Variants in PRKN observed in about 807,000 individuals in gnomAD.
PRKN encodes parkin RBR E3 ubiquitin protein ligase.
In PRKN, 56 loss-of-function variants were observed where a neutral mutation model predicts 59.5. The observed-to-expected ratio is 0.94, with a 90% CI of 0.76 to 1.18. The LOEUF is 1.18. Among genes scored for constraint, PRKN ranks in the 50% most tolerant of loss-of-function variants. The probability of loss-of-function intolerance (pLI) is 0.00; values close to 1 mark genes in which losing one functional copy is unlikely to be tolerated. For synonymous variants in PRKN, 250 were observed against 222.1 expected (o/e 1.13, Z -1.12); for missense variants, 657 against 596.4 (o/e 1.10, Z -1.06).
chr6:161,909,552 T>C (rs717980), intron 6 of PRKN, among the ~76,000 whole-genome samples: 29 of 152,198 alleles, frequency 1.9e-4, no homozygotes, highest in Non-Finnish European at 3.5e-4. Context: ...TAATAGGGCC[T>C]GAGGAACTCA....
Position 162,239,265 on chromosome 6 carries a change from T to C in PRKN, c.412+23260A>G, listed in dbSNP as rs549027694. Reference sequence around the variant, plus strand: ...GAACACAGCTTGCAGGTTGGCCGACTCATCTCCCCAGATTTTATTTTCTAT... The same window carrying C: ...GAACACAGCTTGCAGGTTGGCCGACCCATCTCCCCAGATTTTATTTTCTAT... On this transcript the variant is annotated intron_variant, in intron 3 of 11. Transcript: ENST00000366898. Among the ~76,000 whole-genome samples the C allele has an allele frequency of 1.3e-3, 196 of 152,266 alleles. 1 individual carries two copies. Among genetic ancestry groups the C allele is most frequent in the African/African-American group, 4.3e-3 (180 of 41,552 alleles).
chr6:162,645,351 A>C (rs1281159422), intron 1 of PRKN, among the ~76,000 whole-genome samples: 1 of 152,190 alleles, frequency 6.6e-6, no homozygotes, highest in Non-Finnish European at 1.5e-5. Flanking sequence ...ATCTTCAAGG[A>C]CACCAGCTGA....
At chr6:162,579,481 C>T (rs548580218) in intron 1 of PRKN, among the ~76,000 whole-genome samples, 3 of 151,672 alleles carry the variant, frequency 2.0e-5, no homozygotes, top group Admixed American at 2.0e-4. Context: ...CATATCCAGA[C>T]TCACACAGAT....
intron 1 of PRKN, among the ~76,000 whole-genome samples, chr6:162,556,372 T>TGC (rs1443569566): frequency 2.5e-4 from 25 of 99,360 alleles, no homozygotes; most frequent in Middle Eastern, 5.3e-3. Context: ...TGTGTGTGTG[T>TGC]GTGTGTGTGT....
intron 4 of PRKN, among the ~76,000 whole-genome samples, chr6:162,121,169 C>G (rs148060265): frequency 0.013 from 1,906 of 152,258 alleles, 48 homozygotes; most frequent in African/African-American, 0.043. Flanking sequence ...ACTACATTTG[C>G]AGAAATGTTG....
chr6:161,402,754 G>C lies in PRKN; in HGVS notation c.1084-15877C>G, dbSNP rs1787105337. Among the ~76,000 whole-genome samples, 1 of 152,040 alleles carries C rather than the reference G, an allele frequency of 6.6e-6. No individual in the cohort carries two copies. Among genetic ancestry groups the C allele is most frequent in the African/African-American group, 2.4e-5 (1 of 41,378 alleles). Reference sequence around the variant, plus strand: ...TTGGGGATTCTTGTGAGGGGGAGGAGGTTAGAGGAGGGCAAGGAGAGGAAT... The same window carrying C: ...TTGGGGATTCTTGTGAGGGGGAGGACGTTAGAGGAGGGCAAGGAGAGGAAT... On this transcript the variant is annotated intron_variant, in intron 9 of 11. Coordinates refer to ENST00000366898, the MANE Select transcript of PRKN (RefSeq NM_004562.3). The surrounding 1 kb of genome is among the most constrained non-coding windows in gnomAD (Gnocchi z 4.5).
At position 161,527,092 on chromosome 6, in the gene PRKN, G is replaced by C. The variant is rs1391975878; in HGVS notation, c.1083+21762C>G. The stretch of plus-strand genomic sequence containing the variant: ...CTGTGACAGAGTCTGTCTGGGTAAG[G>C]TATCACCTCCAATCTTACCTCCTGT... On this transcript the variant is annotated intron_variant, in intron 9 of 11. Transcript: ENST00000366898. This position sits in a 1 kb window ranked among gnomAD's most constrained non-coding sequence, Gnocchi z 4.6. Among the ~76,000 whole-genome samples, 2 of 152,110 alleles carry C rather than the reference G, an allele frequency of 1.3e-5. No individual in the cohort carries two copies. The highest frequency in any genetic ancestry group is 2.9e-5 in the Non-Finnish European group (2 of 68,004).
At chr6:162,297,486 T>C (rs1055852571) in intron 2 of PRKN, among the ~76,000 whole-genome samples, 2 of 152,118 alleles carry the variant, frequency 1.3e-5, no homozygotes, top group Non-Finnish European at 2.9e-5. Context: ...GAACTTCTGT[T>C]TGAAGAGTGA....
chr6:162,654,361 G>C (rs1778560025), intron 1 of PRKN, among the ~76,000 whole-genome samples: 1 of 152,180 alleles, frequency 6.6e-6, no homozygotes, highest in Admixed American at 6.5e-5. Context: ...CTGAGGGATA[G>C]AGATTAAGTT....
intron 7 of PRKN, among the ~76,000 whole-genome samples, chr6:161,699,349 C>A (rs1324990951): frequency 6.6e-6 from 1 of 152,098 alleles, no homozygotes; most frequent in Non-Finnish European, 1.5e-5. Context: ...TAAGTATTTA[C>A]CCAATAGAAA....
At chr6:161,980,641 G>C (rs1370147943) in intron 5 of PRKN, among the ~76,000 whole-genome samples, 1 of 152,228 alleles carries the variant, frequency 6.6e-6, no homozygotes, top group Non-Finnish European at 1.5e-5. Context: ...CTGGTTGGGA[G>C]TCTGACAATG....
intron 5 of PRKN, among the ~76,000 whole-genome samples, chr6:162,044,426 C>G (rs1286278680): frequency 1.3e-5 from 2 of 152,316 alleles, no homozygotes; most frequent in South Asian, 4.1e-4. Flanking sequence ...ATGTCCTCAA[C>G]CCCTAGTCAT....
chr6:161,455,575 T>C (rs1460843083), intron 9 of PRKN, among the ~76,000 whole-genome samples: 2 of 151,972 alleles, frequency 1.3e-5, no homozygotes, highest in African/African-American at 2.4e-5. Context: ...TACAGAAATA[T>C]TAGGTGCAGG....
rs550622505 is a variant in PRKN at position 161,983,840 on chromosome 6, G to A, written c.619-10423C>T. ...ATTAGTGGGTGCAGCGCACCAGCAC[G>A]GCACATGTATACATATGTAACTAAC... is the stretch of plus-strand genomic sequence containing the variant. On this transcript the variant is annotated intron_variant, in intron 5 of 11. Coordinates refer to ENST00000366898, the MANE Select transcript of PRKN (RefSeq NM_004562.3). Among the ~76,000 whole-genome samples, 30 of 118,256 alleles carry A rather than the reference G, an allele frequency of 2.5e-4. 1 individual carries two copies. Among genetic ancestry groups the A allele is most frequent in the Non-Finnish European group, 4.6e-4 (26 of 56,368 alleles). 77.6% of individuals were successfully genotyped at this position (118,256 alleles called of 152,430 possible). A position where few individuals can be genotyped will look rare whatever the true frequency, so the allele number is the denominator to read the frequency against.
chr6:161,930,998 T>C (rs1484368819), intron 6 of PRKN, among the ~76,000 whole-genome samples: 1 of 152,250 alleles, frequency 6.6e-6, no homozygotes, highest in Admixed American at 6.5e-5. Flanking sequence ...TTAGGACTTC[T>C]GACCTACAAA....
chr6:162,612,755 C>T (rs775020806), intron 1 of PRKN, among the ~76,000 whole-genome samples: 5 of 152,086 alleles, frequency 3.3e-5, no homozygotes, highest in African/African-American at 9.7e-5. Context: ...GCTTTCCAGA[C>T]GCAGCCCTAA....
intron 7 of PRKN, among the ~76,000 whole-genome samples, chr6:161,609,446 TGGTG>T (rs1782408681): frequency 6.6e-6 from 1 of 152,210 alleles, no homozygotes; most frequent in Admixed American, 6.5e-5. Flanking sequence ...AATAACTATT[TGGTG>T]AAACTACAAA....
intron 4 of PRKN, among the ~76,000 whole-genome samples, chr6:162,190,544 T>C (rs1784234336): frequency 6.6e-6 from 1 of 152,170 alleles, no homozygotes. Context: ...CCAAGTAAAG[T>C]CAATTAACCT....
intron 6 of PRKN, among the ~76,000 whole-genome samples, chr6:161,873,626 AAAC>A (rs879871470): frequency 2.0e-5 from 3 of 151,856 alleles, no homozygotes; most frequent in East Asian, 1.9e-4. Flanking sequence ...TACAAAATTA[AAAC>A]AACAACAACA....
Sources: allele counts gnomAD v4.1 joint callset (sites outside exome capture counted in the v4.1 genomes callset), GRCh38; gene constraint gnomAD v4.1.1; non-coding constraint Gnocchi (gnomAD v3.1); transcripts MANE v1.5; gene names NCBI Gene and HGNC (gene_info 2026-07-23, HGNC 2026-07-21).